Variants in TLN2 observed in about 807,000 individuals in gnomAD.
TLN2 encodes talin 2.
A neutral mutation model predicts 294.7 loss-of-function variants in TLN2; 118 were observed. That is an observed-to-expected ratio of 0.40 (90% CI 0.34 to 0.47). The LOEUF is 0.47. TLN2 is among the 20% of genes least tolerant of loss of function. The probability of loss-of-function intolerance (pLI) is 0.84; values close to 1 mark genes in which losing one functional copy is unlikely to be tolerated. For synonymous variants in TLN2, 1,431 were observed against 1,304.5 expected, an observed-to-expected ratio of 1.10 and a Z score of -2.09; for missense variants, 3,083 against 3,282.2, an observed-to-expected ratio of 0.94 and a Z score of 1.48.
chr15:62,411,116 A>G (rs536171069), intron 1 of TLN2, among the ~76,000 whole-genome samples: 1 of 152,296 alleles, frequency 6.6e-6, no homozygotes, highest in East Asian at 1.9e-4. Flanking sequence ...CCCTGCCCTC[A>G]TGGATAGCAC....
At chr15:62,408,028 A>AG (rs1415326679) in intron 1 of TLN2, among the ~76,000 whole-genome samples, 2 of 152,204 alleles carry the variant, frequency 1.3e-5, no homozygotes, top group Non-Finnish European at 2.9e-5. Flanking sequence ...CTTCTTGTAC[A>AG]GTACCCCTGC....
intron 9 of TLN2, among the ~76,000 whole-genome samples, chr15:62,670,225 A>G (rs1201919623): frequency 6.6e-6 from 1 of 152,206 alleles, no homozygotes; most frequent in South Asian, 2.1e-4. Flanking sequence ...GCCAATGCCT[A>G]GAGGCTGGCA....
intron 2 of TLN2, among the ~76,000 whole-genome samples, chr15:62,607,932 T>C (rs1473096601): frequency 3.3e-5 from 5 of 152,352 alleles, no homozygotes; most frequent in African/African-American, 1.2e-4. Flanking sequence ...TCTTTGCTAA[T>C]GTCTAACCTC....
chr15:62,692,769 C>T, intron 12 of TLN2, 71 bp from the exon 13 acceptor site: 1 of 1,176,612 alleles, frequency 8.5e-7, no homozygotes, highest in Non-Finnish European at 1.3e-6. Context: ...TGTTCTAGAG[C>T]TGGACCTGCT....
At chr15:62,540,489 A>G (rs2041617470) in intron 1 of TLN2, among the ~76,000 whole-genome samples, 1 of 152,082 alleles carries the variant, frequency 6.6e-6, no homozygotes, top group Non-Finnish European at 1.5e-5. Flanking sequence ...CGTTATGAGA[A>G]TATGGACAAG....
chr15:62,588,327 T>A (rs1330884237), intron 1 of TLN2, among the ~76,000 whole-genome samples: 1 of 152,046 alleles, frequency 6.6e-6, no homozygotes, highest in Non-Finnish European at 1.5e-5. Flanking sequence ...TAAGACTGTT[T>A]TAGTCTGTTT....
intron 50 of TLN2, among the ~76,000 whole-genome samples, chr15:62,801,816 T>C (rs747901925): frequency 2.6e-4 from 39 of 152,186 alleles, no homozygotes; most frequent in Non-Finnish European, 2.8e-4. Flanking sequence ...TGTTATTTGT[T>C]TATGTTTGAT....
At chr15:62,834,095 C>T (rs1344458892) in intron 55 of TLN2, 1 of 152,818 alleles carries the variant, frequency 6.5e-6, no homozygotes, top group Non-Finnish European at 1.5e-5. Flanking sequence ...GGTGAATGGG[C>T]CAGTCAGATT....
rs1193461792 is a variant in TLN2, at chr15:62,748,432, G to A, written c.4107G>A (p.Leu1369=). Residue 1369 remains leucine (L), a synonymous_variant, in exon 33 of 59, where the codon CTG becomes CTA. Coordinates refer to ENST00000636159, the MANE Select transcript of TLN2 (RefSeq NM_015059.3). ...APGQKECDNA[L]RELETVKGML... is the part of the protein sequence containing the mutation. ...GCCAGAAAGAGTGCGATAATGCCCT[G>A]CGGGAGCTCGAGGTAGGTCCCTGGG... 6.2e-7 allele frequency: 1 copy of A among 1,613,666 alleles called. No individual in the cohort carries two copies. Among genetic ancestry groups the A allele is most frequent in the Non-Finnish European group, 8.5e-7 (1 of 1,179,934 alleles).
In TLN2 at chr15:62,842,677, C is replaced by A. The variant is rs2070830896; in HGVS notation, c.*2067C>A. ...CACCTTGCCTCAGAGTCATTTAAAA[C>A]CTTTACTGCATTTGATACCAGAAAA... On this transcript the variant is annotated 3_prime_UTR_variant, in exon 59 of 59. Transcript: ENST00000636159. 5 of 152,218 alleles carry A rather than the reference C, an allele frequency of 3.3e-5. No homozygotes were observed. 9.4% of individuals were successfully genotyped at this position (152,218 alleles called of 1,614,324 possible). A position where few individuals can be genotyped will look rare whatever the true frequency, so the allele number is the denominator to read the frequency against.
chr15:62,703,999 A>G (rs2058897875), intron 19 of TLN2, among the ~76,000 whole-genome samples: 2 of 152,208 alleles, frequency 1.3e-5, no homozygotes, highest in Non-Finnish European at 2.9e-5. Context: ...TTTGCAAGTA[A>G]TATATAAATA....
intron 1 of TLN2, among the ~76,000 whole-genome samples, chr15:62,568,311 G>A (rs922873445): frequency 3.0e-4 from 46 of 152,300 alleles, no homozygotes; most frequent in African/African-American, 1.1e-3. Context: ...CTCCATCGTG[G>A]CCCTGGTTTC....
intron 27 of TLN2, 93 bp downstream of exon 27, chr15:62,725,197 A>G (rs1567465037): frequency 6.0e-6 from 9 of 1,490,138 alleles, no homozygotes; most frequent in South Asian, 2.7e-5. Flanking sequence ...AAGTTGCGGC[A>G]TGTTGAGAAG....
At chr15:62,576,138 G>A (rs2044372204) in intron 1 of TLN2, among the ~76,000 whole-genome samples, 1 of 151,840 alleles carries the variant, frequency 6.6e-6, no homozygotes, top group African/African-American at 2.4e-5. Context: ...GAATTGGCAG[G>A]GCATATTCAA....
rs1255969258 is a variant in TLN2, at chr15:62,825,862, ATATAT to A, written c.7002+5254_7002+5258del. Among the ~76,000 whole-genome samples, 7 of 94,402 alleles carry A rather than the reference ATATAT, an allele frequency of 7.4e-5. 1 individual carries two copies. Among genetic ancestry groups the A allele is most frequent in the African/African-American group, 1.9e-4 (4 of 20,914 alleles). 61.9% of individuals were successfully genotyped at this position (94,402 alleles called of 152,430 possible). A position where few individuals can be genotyped will look rare whatever the true frequency, so the allele number is the denominator to read the frequency against. On this transcript the variant is annotated intron_variant, in intron 54 of 58. Transcript: ENST00000636159. ...ATATATATAAATATATTATATATAT[ATATAT>A]TTATATATATATATAATAAGTCAGG... is the stretch of plus-strand genomic sequence containing the variant.
chr15:62,432,438 T>C (rs778528874), intron 1 of TLN2, among the ~76,000 whole-genome samples: 3 of 152,148 alleles, frequency 2.0e-5, no homozygotes, highest in Non-Finnish European at 4.4e-5. Context: ...TGCAAGTGCT[T>C]TTATAGTGGC....
chr15:62,682,164 CT>C (rs1299595832), intron 11 of TLN2, among the ~76,000 whole-genome samples: 1 of 152,242 alleles, frequency 6.6e-6, no homozygotes, highest in African/African-American at 2.4e-5. Flanking sequence ...TGCTACTCAA[CT>C]TTGCCCCTGT....
Position 62,761,805 on chromosome 15 carries a change from C to G in TLN2, c.4763C>G (p.Ala1588Gly). The change falls in exon 38 of 59, where the codon GCC becomes GGC. Residue 1588 changes from alanine to glycine, a missense_variant. Coordinates refer to ENST00000636159, the MANE Select transcript of TLN2 (RefSeq NM_015059.3). ...AACCCTGAGTTTGTCAGCATTCCTG[C>G]CCAGATCAGCTCCGAGGTAGGGAGT... ...ASNPEFVSIP[A>G]QISSEGSQAQ... 1.2e-6 allele frequency: 2 copies of G among 1,614,104 alleles called. No homozygotes were observed. The highest frequency in any genetic ancestry group is 1.7e-6 in the Non-Finnish European group (2 of 1,180,026).
intron 3 of TLN2, among the ~76,000 whole-genome samples, chr15:62,625,547 C>T (rs1453681832): frequency 2.0e-5 from 3 of 152,076 alleles, no homozygotes; most frequent in East Asian, 1.9e-4. Flanking sequence ...TGTTAGAACA[C>T]GATGCTGCTC....
Sources: allele counts gnomAD v4.1 joint callset (sites outside exome capture counted in the v4.1 genomes callset), GRCh38; gene constraint gnomAD v4.1.1; transcripts MANE v1.5; gene names NCBI Gene and HGNC (gene_info 2026-07-23, HGNC 2026-07-21).